The following XYLB variants were observed in gnomAD, a reference collection of about 807,000 sequenced individuals.
XYLB encodes xylulose kinase.
A neutral mutation model predicts 78.7 loss-of-function variants in XYLB; 62 were observed. The ratio of observed to expected loss-of-function variants is 0.79; its 90% CI spans 0.64 to 0.97. The LOEUF is 0.97. Ranked by LOEUF, XYLB falls within the 50% of genes least tolerant of loss-of-function variation. XYLB has a pLI of 0.00. For missense variants in XYLB, 687 were observed against 676.8 expected, an observed-to-expected ratio of 1.02 and a Z score of -0.17; for synonymous variants, 245 against 247.4, an observed-to-expected ratio of 0.99 and a Z score of 0.09.
At chr3:38,381,478 G>A (rs900381638) in intron 15 of XYLB, among the ~76,000 whole-genome samples, 4 of 152,244 alleles carry the variant, frequency 2.6e-5, no homozygotes, top group Admixed American at 2.6e-4. Context: ...CAGGGAATAA[G>A]AGAGATAACC....
chr3:38,445,830 T>A, the XYLB span, among the ~76,000 whole-genome samples: 4 of 152,162 alleles, frequency 2.6e-5, no homozygotes, highest in East Asian at 7.7e-4. Flanking sequence ...AGGTGCCTGG[T>A]GTTTAGTCCC....
chr3:38,371,909 A>G (rs553029129), intron 9 of XYLB, among the ~76,000 whole-genome samples: 299 of 152,332 alleles, frequency 2.0e-3, no homozygotes, highest in African/African-American at 7.0e-3. Context: ...AAAACAGCCA[A>G]GCCACCGGGA....
At chr3:38,392,560 G>A (rs1373644235) in intron 15 of XYLB, among the ~76,000 whole-genome samples, 1 of 152,142 alleles carries the variant, frequency 6.6e-6, no homozygotes. Context: ...GTCTCCCAAA[G>A]TGCTGGGATT....
chr3:38,397,594 C>T (rs2125648996), intron 17 of XYLB, among the ~76,000 whole-genome samples: 1 of 152,088 alleles, frequency 6.6e-6, no homozygotes. Context: ...ACCATGGAGC[C>T]CTGTTGCCCT....
At chr3:38,442,145 T>C in the XYLB span, among the ~76,000 whole-genome samples, 3 of 152,166 alleles carry the variant, frequency 2.0e-5, no homozygotes, top group African/African-American at 7.2e-5. Context: ...GACAAGCCAG[T>C]ATAGGCTGTA....
At position 38,352,402 on chromosome 3, in the gene XYLB, G is replaced by A. The variant is rs78735998; in HGVS notation, c.140+3770G>A. Among the ~76,000 whole-genome samples the A allele has an allele frequency of 4.5e-3, 685 of 152,290 alleles. 5 individuals are homozygous for A. The highest frequency in any genetic ancestry group is 0.016 in the African/African-American group (645 of 41,546). On this transcript the variant is annotated intron_variant, in intron 2 of 18. Transcript: ENST00000207870. ...TGTATTGACATGTAAACACAGCCAC[G>A]TTACTGTGAAGTGAGTAAAGCAAAG...
In XYLB at chr3:38,382,362, TA is replaced by T. The variant is rs530878894; in HGVS notation, c.1291+3022del. 3.3e-4 allele frequency among the ~76,000 whole-genome samples: 51 copies of T among 152,296 alleles called. 1 individual carries two copies. In the South Asian group the frequency reaches 7.7e-3, roughly 23 times the overall value. On this transcript the variant is annotated intron_variant, in intron 15 of 18. Coordinates refer to ENST00000207870, the MANE Select transcript of XYLB (RefSeq NM_005108.4). The stretch of plus-strand genomic sequence containing the variant: ...TATTTACTATTGTTGGAAGTCGGGA[TA>T]ATTAGTAGTTACCTTTCAGAAGGGG...
At chr3:38,423,289 G>T (rs757875705), downstream of XYLB, among the ~76,000 whole-genome samples, 2 of 152,136 alleles carry the variant, frequency 1.3e-5, no homozygotes, top group Non-Finnish European at 1.5e-5. Flanking sequence ...AGCCAGGATG[G>T]TCTCGATCTC....
At chr3:38,442,159 A>T in the XYLB span, among the ~76,000 whole-genome samples, 1 of 152,182 alleles carries the variant, frequency 6.6e-6, no homozygotes, top group Non-Finnish European at 1.5e-5. Flanking sequence ...GGCTGTATTC[A>T]TTCCTTGCTG....
chr3:38,362,506 G>T (rs1250777629), intron 3 of XYLB, among the ~76,000 whole-genome samples: 2 of 152,144 alleles, frequency 1.3e-5, no homozygotes, highest in East Asian at 3.9e-4. Flanking sequence ...CAAAAGTGCT[G>T]GGATTACAGG....
At chr3:38,410,351 A>T (rs1241572080) in intron 18 of XYLB, among the ~76,000 whole-genome samples, 1 of 152,234 alleles carries the variant, frequency 6.6e-6, no homozygotes, top group Non-Finnish European at 1.5e-5. Context: ...CTGAAACTGG[A>T]TCCCTTCCTT....
intron 18 of XYLB, among the ~76,000 whole-genome samples, chr3:38,408,636 T>C (rs1708436058): frequency 6.6e-6 from 1 of 151,498 alleles, no homozygotes; most frequent in Non-Finnish European, 1.5e-5. Flanking sequence ...GATAGACCAC[T>C]AGCAAGACTA....
chr3:38,437,094 G>T, the XYLB span, among the ~76,000 whole-genome samples: 1 of 149,778 alleles, frequency 6.7e-6, no homozygotes, highest in African/African-American at 2.4e-5. Flanking sequence ...TTTATAAAAG[G>T]GGTGCAAGGA....
At chr3:38,380,912 G>A (rs764700525) in intron 15 of XYLB, among the ~76,000 whole-genome samples, 27 of 152,202 alleles carry the variant, frequency 1.8e-4, no homozygotes, top group Non-Finnish European at 3.1e-4. Context: ...ATGTAACACT[G>A]AGCAAAAGAG....
intron 1 of XYLB, 21 bp from the exon 2 acceptor site, chr3:38,348,529 C>A (rs2615631): frequency 0.99 from 1,598,811 of 1,613,788 alleles, 792,908 homozygotes; most frequent in East Asian, 1. Context: ...TCTACACTTC[C>A]TTTTTTAAAA....
chr3:38,432,883 C>T, the XYLB span, among the ~76,000 whole-genome samples: 3 of 152,184 alleles, frequency 2.0e-5, no homozygotes, highest in Non-Finnish European at 4.4e-5. Context: ...GCACACGGTG[C>T]AAGCTGTCAG....
At chr3:38,395,674 G>C in intron 16 of XYLB, 111 bp downstream of exon 16, 1 of 1,169,954 alleles carries the variant, frequency 8.5e-7, no homozygotes, top group Non-Finnish European at 1.3e-6. Context: ...GCAGGAATGG[G>C]GAGCTCTTAG....
intron 17 of XYLB, among the ~76,000 whole-genome samples, chr3:38,398,905 G>A (rs1239239702): frequency 3.3e-5 from 5 of 150,476 alleles, no homozygotes; most frequent in Non-Finnish European, 5.9e-5. Context: ...GGTGGCGCAC[G>A]CCTGTAGTCC....
At chr3:38,398,742 C>T (rs1382591686) in intron 17 of XYLB, among the ~76,000 whole-genome samples, 13 of 146,302 alleles carry the variant, frequency 8.9e-5, no homozygotes, top group South Asian at 8.7e-4. Flanking sequence ...CCTGACATTT[C>T]GGTTGGGTGC....
Sources: allele counts gnomAD v4.1 joint callset (sites outside exome capture counted in the v4.1 genomes callset), GRCh38; gene constraint gnomAD v4.1.1; transcripts MANE v1.5; gene names NCBI Gene and HGNC (gene_info 2026-07-23, HGNC 2026-07-21).